IQSEC1: variants seen among roughly 807,000 people sequenced by gnomAD.
IQSEC1 encodes IQ motif and Sec7 domain ArfGEF 1.
In IQSEC1, 31 loss-of-function variants were observed where a neutral mutation model predicts 91.0. The observed-to-expected ratio is 0.34, with a 90% CI of 0.26 to 0.46. IQSEC1 has a LOEUF of 0.46. Among genes scored for constraint, IQSEC1 ranks in the 20% least tolerant of loss-of-function variants. The pLI, the probability that IQSEC1 is intolerant of heterozygous loss-of-function variation, is 1.00. For synonymous variants in IQSEC1, 699 were observed against 662.6 expected, an observed-to-expected ratio of 1.05 and a Z score of -0.84; for missense variants, 1,388 against 1,575.6, an observed-to-expected ratio of 0.88 and a Z score of 2.02.
intron 1 of IQSEC1, among the ~76,000 whole-genome samples, chr3:13,005,492 C>T (rs1045868097): frequency 7.2e-5 from 11 of 152,124 alleles, no homozygotes; most frequent in African/African-American, 2.4e-4. Flanking sequence ...GCAGTCAGCA[C>T]GTAGCTGGGT....
Position 12,949,004 on chromosome 3 carries a change from A to T in IQSEC1, c.24-7139T>A, listed in dbSNP as rs1699363217. Among the ~76,000 whole-genome samples the T allele has an allele frequency of 2.0e-5, 3 of 152,324 alleles. No individual in the cohort carries two copies. The South Asian group carries it at 6.2e-4, about 32-fold the overall frequency. On this transcript the variant is annotated intron_variant, in intron 1 of 13. Coordinates refer to ENST00000613206, the MANE Select transcript of IQSEC1 (RefSeq NM_001134382.3). Reference sequence around the variant, plus strand: ...TCTCCACAAACCTGCCAGGTACAAGATGCCGTGGTGGGTGTGTTTAAAATA... The same window carrying T: ...TCTCCACAAACCTGCCAGGTACAAGTTGCCGTGGTGGGTGTGTTTAAAATA...
intron 2 of IQSEC1, among the ~76,000 whole-genome samples, chr3:13,111,964 C>T (rs1000777613): frequency 6.6e-6 from 1 of 152,194 alleles, no homozygotes; most frequent in Non-Finnish European, 1.5e-5. Flanking sequence ...ACAGCATCCC[C>T]TGCCATTGCC....
chr3:12,964,578 T>G (rs1700444870), intron 1 of IQSEC1, among the ~76,000 whole-genome samples: 1 of 152,184 alleles, frequency 6.6e-6, no homozygotes, highest in Admixed American at 6.5e-5. Context: ...CCTTCAGACA[T>G]CCACATTCTC....
At chr3:12,950,643 C>CA (rs1180376229) in intron 1 of IQSEC1, among the ~76,000 whole-genome samples, 7 of 119,552 alleles carry the variant, frequency 5.9e-5, no homozygotes, top group African/African-American at 2.1e-4. Flanking sequence ...TCCATCTCTA[C>CA]AAATTTTTTT....
rs1019504569 is a variant in IQSEC1 at position 12,899,168 on chromosome 3, G to A, written c.*1815C>T. ...TCAATGATATGACCGAGGGTGGGAG[G>A]GATGTGAGGAGGGAAATCGGCAAAA... On this transcript the variant is annotated 3_prime_UTR_variant, in exon 14 of 14. Coordinates refer to ENST00000613206, the MANE Select transcript of IQSEC1 (RefSeq NM_001134382.3). The A allele has an allele frequency of 1.7e-6, 1 of 583,664 alleles. No individual in the cohort carries two copies. Among genetic ancestry groups the A allele is most frequent in the African/African-American group, 1.9e-5 (1 of 53,564 alleles). 36.2% of individuals were successfully genotyped at this position (583,664 alleles called of 1,614,324 possible). A position where few individuals can be genotyped will look rare whatever the true frequency, so the allele number is the denominator to read the frequency against.
chr3:13,059,080 C>T (rs905597324), intron 1 of IQSEC1, among the ~76,000 whole-genome samples: 1 of 152,124 alleles, frequency 6.6e-6, no homozygotes, highest in Non-Finnish European at 1.5e-5. Context: ...GCTCCCTCCA[C>T]CCTTTGGTGA....
At position 13,140,728 on chromosome 3, in the gene IQSEC1, G is replaced by C. The variant is rs182024712; in HGVS notation, c.302+23376C>G. On this transcript the variant is annotated intron_variant, in intron 2 of 15. Coordinates refer to the IQSEC1 transcript ENST00000648114. Reference sequence around the variant, plus strand: ...AGTGACAGATAAGCCCCATGTTGCAGGGCTGACCTCAGGGGTGCAGGGCTG... The same window carrying C: ...AGTGACAGATAAGCCCCATGTTGCACGGCTGACCTCAGGGGTGCAGGGCTG... Among the ~76,000 whole-genome samples the C allele has an allele frequency of 5.6e-4, 86 of 152,326 alleles. 1 individual carries two copies. The highest frequency in any genetic ancestry group is 1.4e-3 in the Admixed American group (22 of 15,300).
intron 2 of IQSEC1, among the ~76,000 whole-genome samples, chr3:13,143,091 G>A (rs1467955949): frequency 6.6e-6 from 1 of 152,174 alleles, no homozygotes; most frequent in Admixed American, 6.5e-5. Flanking sequence ...CATCTGATCC[G>A]AATTGGTCTT....
chr3:13,122,974 C>T (rs1706449694), intron 2 of IQSEC1, among the ~76,000 whole-genome samples: 1 of 152,136 alleles, frequency 6.6e-6, no homozygotes, highest in South Asian at 2.1e-4. Flanking sequence ...CTTTCTGCGC[C>T]CTCCCTGCAT....
intron 5 of IQSEC1, among the ~76,000 whole-genome samples, chr3:12,921,202 G>T (rs1014460580): frequency 6.6e-6 from 1 of 152,180 alleles, no homozygotes; most frequent in African/African-American, 2.4e-5. Flanking sequence ...GTGACAAGAG[G>T]CAGGGACAGA....
chr3:13,015,370 A>G (rs1370381413), intron 1 of IQSEC1, among the ~76,000 whole-genome samples: 4 of 151,998 alleles, frequency 2.6e-5, no homozygotes, highest in Non-Finnish European at 5.9e-5. Flanking sequence ...GTGGGGAAAC[A>G]CCTGGTGTTC....
At chr3:13,057,577 T>G (rs1178707342) in intron 1 of IQSEC1, among the ~76,000 whole-genome samples, 1 of 152,196 alleles carries the variant, frequency 6.6e-6, no homozygotes, top group Non-Finnish European at 1.5e-5. Flanking sequence ...AACACCCCAC[T>G]GTCCCCAGCC....
intron 1 of IQSEC1, among the ~76,000 whole-genome samples, chr3:13,034,754 G>T (rs1703972698): frequency 6.6e-6 from 1 of 152,226 alleles, no homozygotes; most frequent in African/African-American, 2.4e-5. Flanking sequence ...CTGCCAGTTT[G>T]GTCAACCTGA....
intron 2 of IQSEC1, 38 bp from the exon 3 acceptor site, chr3:12,936,735 G>A: frequency 6.7e-7 from 1 of 1,502,718 alleles, no homozygotes; most frequent in Non-Finnish European, 9.0e-7. Context: ...AGCACTGCAT[G>A]TAGGCACAGT....
At chr3:12,911,006 G>C (rs1380264141) in intron 10 of IQSEC1, among the ~76,000 whole-genome samples, 2 of 152,198 alleles carry the variant, frequency 1.3e-5, no homozygotes, top group African/African-American at 4.8e-5. Context: ...AAGCCAGTGG[G>C]GTGCTGCAGG....
At position 12,924,628 on chromosome 3, in the gene IQSEC1, G is replaced by A. The variant is rs781093943; in HGVS notation, c.1683C>T (p.Gly561=). The A allele has an allele frequency of 8.1e-6, 13 of 1,610,750 alleles. No individual in the cohort carries two copies. In the African/African-American group the frequency reaches 1.1e-4, roughly 13 times the overall value. The change falls in exon 4 of 14, where the codon GGC becomes GGT. Residue 561 remains glycine (G), a synonymous_variant. Coordinates refer to ENST00000613206, the MANE Select transcript of IQSEC1 (RefSeq NM_001134382.3). This position sits in a 1 kb window ranked among gnomAD's most constrained non-coding sequence, Gnocchi z 6.3. The part of the protein sequence containing the change: ...QRKGLSRQMI[G]EFLGNRQKQF... ...GCTTCTGCCGGTTGCCCAGGAACTC[G>A]CCGATCATCTGCCGGCTGAGGCCCT...
At chr3:12,988,100 G>A (rs749062300) in intron 1 of IQSEC1, among the ~76,000 whole-genome samples, 3 of 152,134 alleles carry the variant, frequency 2.0e-5, no homozygotes, top group Admixed American at 6.5e-5. Flanking sequence ...GTGGCCTGTC[G>A]ATACAATGAA....
rs893270761 is a variant in IQSEC1 at position 12,910,210 on chromosome 3, A to G, written c.2417-776T>C. On this transcript the variant is annotated intron_variant, in intron 10 of 13. Coordinates refer to ENST00000613206, the MANE Select transcript of IQSEC1 (RefSeq NM_001134382.3). Reference sequence around the variant, plus strand: ...TAAAAATATGCAAACCATATAAAAGATAACTGAGCTGGGCCTGCCTCCCAG... The same window carrying G: ...TAAAAATATGCAAACCATATAAAAGGTAACTGAGCTGGGCCTGCCTCCCAG... Among the ~76,000 whole-genome samples the G allele has an allele frequency of 1.3e-4, 20 of 152,354 alleles. 1 individual carries two copies. Among genetic ancestry groups the G allele is most frequent in the Admixed American group, 3.9e-4 (6 of 15,310 alleles).
intron 1 of IQSEC1, among the ~76,000 whole-genome samples, chr3:13,206,643 T>C (rs1412931046): frequency 6.6e-6 from 1 of 152,132 alleles, no homozygotes; most frequent in African/African-American, 2.4e-5. Context: ...TCGTATGCAT[T>C]ATATAACAAA....
Sources: allele counts gnomAD v4.1 joint callset (sites outside exome capture counted in the v4.1 genomes callset), GRCh38; gene constraint gnomAD v4.1.1; non-coding constraint Gnocchi (gnomAD v3.1); transcripts MANE v1.5; gene names NCBI Gene and HGNC (gene_info 2026-07-23, HGNC 2026-07-21).